Variants in APPL1 observed in about 807,000 individuals in gnomAD.
The protein encoded by APPL1 is adaptor protein, phosphotyrosine interacting with PH domain and leucine zipper 1, also known as DCC-interacting protein 13-alpha.
In APPL1, 42 loss-of-function variants were observed where a neutral mutation model predicts 106.8. The observed-to-expected ratio is 0.39, with a 90% CI of 0.31 to 0.51. The LOEUF is 0.51. Among genes scored for constraint, APPL1 ranks in the 20% least tolerant of loss-of-function variants. The pLI is 0.75. For missense variants in APPL1, 769 were observed against 858.2 expected (o/e 0.90, Z 1.30); for synonymous variants, 263 against 281.8 (o/e 0.93, Z 0.67).
intron 7 of APPL1, among the ~76,000 whole-genome samples, chr3:57,243,944 A>G (rs1471944476): frequency 6.6e-6 from 1 of 151,964 alleles, no homozygotes; most frequent in African/African-American, 2.4e-5. Context: ...AATAGGCTTC[A>G]CTCCTGCCCT....
At chr3:57,253,598 T>C in intron 12 of APPL1, 84 bp from the exon 13 acceptor site, 1 of 1,021,862 alleles carries the variant, frequency 9.8e-7, no homozygotes, top group Non-Finnish European at 1.3e-6. Flanking sequence ...GAAACATCTG[T>C]TGCAGTTGAG....
At chr3:57,252,917 A>G (rs930521520) in intron 12 of APPL1, among the ~76,000 whole-genome samples, 4 of 152,140 alleles carry the variant, frequency 2.6e-5, no homozygotes, top group African/African-American at 7.2e-5. Context: ...TAGCCTTTTA[A>G]TTTGGCATTA....
At chr3:57,245,107 G>A (rs751369468) in intron 7 of APPL1, among the ~76,000 whole-genome samples, 4 of 152,142 alleles carry the variant, frequency 2.6e-5, no homozygotes, top group Non-Finnish European at 5.9e-5. Flanking sequence ...CCCAGCTGGA[G>A]ATGTGTTTAC....
chr3:57,243,567 C>T (rs2060757630), intron 7 of APPL1, among the ~76,000 whole-genome samples: 1 of 152,170 alleles, frequency 6.6e-6, no homozygotes, highest in Admixed American at 6.6e-5. Context: ...GGTGGAAACA[C>T]AGTGACTGCT....
chr3:57,228,451 A>G lies in APPL1; in HGVS notation c.54+514A>G, dbSNP rs1309441407. On this transcript the variant is annotated intron_variant, in intron 1 of 21. Transcript: ENST00000288266. The surrounding 1 kb of genome is among the most constrained non-coding windows in gnomAD (Gnocchi z 4.6). ...TGGCAAAGCCCGTGACGGGTCCCGG[A>G]GCCCAAGACCGCTCTCCCCGCCGAA... is the stretch of plus-strand genomic sequence containing the variant. Among the ~76,000 whole-genome samples, 1 of 152,154 alleles carries G rather than the reference A, an allele frequency of 6.6e-6. No homozygotes were observed. The highest frequency in any genetic ancestry group is 1.5e-5 in the Non-Finnish European group (1 of 68,016).
chr3:57,230,751 G>C lies in APPL1; in HGVS notation c.54+2814G>C, dbSNP rs556690497. The C allele has an allele frequency of 9.3e-4, 424 of 454,254 alleles. 2 individuals carry two copies. Among genetic ancestry groups the C allele is most frequent in the Non-Finnish European group, 1.7e-3 (371 of 222,154 alleles). 28.1% of individuals were successfully genotyped at this position (454,254 alleles called of 1,614,324 possible). On this transcript the variant is annotated intron_variant, in intron 1 of 21. Transcript: ENST00000288266. ...GAAGCAGAGCAGCAAAGAATATGAA[G>C]ACTTTTAAAGCTCATGGTAAGTTTT...
chr3:57,233,995 G>A (rs916594437), intron 1 of APPL1, among the ~76,000 whole-genome samples: 1 of 151,956 alleles, frequency 6.6e-6, no homozygotes, highest in Non-Finnish European at 1.5e-5. Context: ...GAGGTGGGAG[G>A]ATTTTTTGAG....
rs925599992 is a variant in APPL1 at position 57,273,063 on chromosome 3, A to G, written c.*3376A>G. 7.9e-5 allele frequency: 12 copies of G among 152,486 alleles called. No individual in the cohort carries two copies. In the South Asian group the frequency reaches 8.3e-4, roughly 11 times the overall value. The allele number at this position is 152,486 out of a possible 1,614,324, so 9.4% of individuals were successfully genotyped here. A position where few individuals can be genotyped will look rare whatever the true frequency, so the allele number is the denominator to read the frequency against. On this transcript the variant is annotated 3_prime_UTR_variant, in exon 22 of 22. Transcript: ENST00000288266. The stretch of plus-strand genomic sequence containing the variant: ...GTCTTTCTACATTAACTAGTAAGAC[A>G]TAAAGATTTGAAACTGGAACTATAT...
chr3:57,249,354 A>G lies in APPL1; in HGVS notation c.864-6A>G. On this transcript the variant is annotated splice_polypyrimidine_tract_variant and splice_region_variant and intron_variant, in intron 10 of 21. Transcript: ENST00000288266. ...ATTAAAGAGTGAATGTGCTTTCTTC[A>G]TTCAGTAAAACAGGCTTGGTGTCAT... The G allele has an allele frequency of 1.8e-5, 29 of 1,614,066 alleles. No individual in the cohort carries two copies. Among genetic ancestry groups the G allele is most frequent in the Non-Finnish European group, 2.5e-5 (29 of 1,179,970 alleles).
chr3:57,262,341 C>G (rs1426888907), intron 19 of APPL1, among the ~76,000 whole-genome samples: 3 of 136,480 alleles, frequency 2.2e-5, no homozygotes, highest in Non-Finnish European at 4.8e-5. Context: ...GGAGAGTTTT[C>G]CCTTCATTTT....
At chr3:57,261,682 C>A (rs1438346561) in intron 19 of APPL1, among the ~76,000 whole-genome samples, 4 of 151,978 alleles carry the variant, frequency 2.6e-5, no homozygotes, top group Non-Finnish European at 5.9e-5. Flanking sequence ...CCATGCCCGG[C>A]TAATTTTTTG....
intron 16 of APPL1, among the ~76,000 whole-genome samples, 176 bp downstream of exon 16, chr3:57,259,256 ATGT>A (rs1184701326): frequency 1.3e-5 from 2 of 152,238 alleles, no homozygotes; most frequent in East Asian, 3.8e-4. Context: ...CTGACTTAAG[ATGT>A]TGTGATTCAT....
rs987771086 is a variant in APPL1 at position 57,272,082 on chromosome 3, C to G, written c.*2395C>G. 5 of 152,146 alleles carry G rather than the reference C, an allele frequency of 3.3e-5. No individual in the cohort carries two copies. The highest frequency in any genetic ancestry group is 7.2e-5 in the African/African-American group (3 of 41,436). 9.4% of individuals were successfully genotyped at this position (152,146 alleles called of 1,614,324 possible). On this transcript the variant is annotated 3_prime_UTR_variant, in exon 22 of 22. Coordinates refer to ENST00000288266, the MANE Select transcript of APPL1 (RefSeq NM_012096.3). ...GTAACTGGATTCGATTTTGGGATAT[C>G]TTTTCTCACATTCAGACTTACACTT...
chr3:57,240,565 AGCTTAT>A lies in APPL1; in HGVS notation c.373+15_373+20del. 6.2e-7 allele frequency: 1 copy of A among 1,603,140 alleles called. No individual in the cohort carries two copies. Among genetic ancestry groups the A allele is most frequent in the Non-Finnish European group, 8.5e-7 (1 of 1,170,170 alleles). Reference sequence around the variant, plus strand: ...AGAGATCTGAAAGGTATTGAAGTCAAGCTTATGTTTACTTTCATTGGCTGTGAGATC... The same window carrying A: ...AGAGATCTGAAAGGTATTGAAGTCAAGTTTACTTTCATTGGCTGTGAGATC... On this transcript the variant is annotated intron_variant, in intron 5 of 21. Coordinates refer to ENST00000288266, the MANE Select transcript of APPL1 (RefSeq NM_012096.3).
chr3:57,238,478 C>T (rs1047754628), intron 4 of APPL1, among the ~76,000 whole-genome samples: 2 of 152,120 alleles, frequency 1.3e-5, no homozygotes, highest in African/African-American at 4.8e-5. Context: ...ATTAATCCTG[C>T]TATCCTAAAC....
chr3:57,243,486 T>C (rs2060757255), intron 7 of APPL1, among the ~76,000 whole-genome samples: 1 of 151,658 alleles, frequency 6.6e-6, no homozygotes, highest in Non-Finnish European at 1.5e-5. Flanking sequence ...GTGTAGGTCT[T>C]TCTAGATGCT....
chr3:57,237,109 G>A (rs1343156119), intron 2 of APPL1, among the ~76,000 whole-genome samples: 1 of 152,100 alleles, frequency 6.6e-6, no homozygotes, highest in African/African-American at 2.4e-5. Context: ...ACCACATTTT[G>A]GTTGTATGTT....
At chr3:57,260,473 A>T in intron 18 of APPL1, 155 bp from the exon 19 acceptor site, 1 of 656,326 alleles carries the variant, frequency 1.5e-6, no homozygotes. Context: ...ACCAAATATG[A>T]CATTACTTGT....
chr3:57,235,734 T>C (rs752306106), intron 2 of APPL1, 70 bp downstream of exon 2: 16 of 1,129,946 alleles, frequency 1.4e-5, no homozygotes, highest in Non-Finnish European at 2.1e-5. Context: ...ACAGATAGTG[T>C]CTGTCTTGTT....
Sources: gnomAD v4.1 joint callset for allele counts (sites outside exome capture counted in the v4.1 genomes callset) on GRCh38, gnomAD v4.1.1 for gene constraint, Gnocchi (gnomAD v3.1) non-coding constraint, MANE v1.5 for transcripts, NCBI Gene and HGNC (gene_info 2026-07-23, HGNC 2026-07-21) for gene names.